KLHL12: variants seen among roughly 807,000 people sequenced by gnomAD.
KLHL12 encodes the protein kelch-like protein 12.
In KLHL12, 17 loss-of-function variants were observed where a neutral mutation model predicts 60.8. The observed-to-expected ratio is 0.28, with a 90% CI of 0.19 to 0.42. The LOEUF is 0.42. Ranked by LOEUF, KLHL12 falls within the 10% of genes least tolerant of loss-of-function variation. KLHL12 has a pLI of 1.00. For synonymous variants in KLHL12, 220 were observed against 250.9 expected (o/e 0.88, Z 1.16); for missense variants, 468 against 722.3 (o/e 0.65, Z 4.04).
Position 202,900,911 on chromosome 1 carries a change from G to A in KLHL12, c.833-3951C>T, listed in dbSNP as rs906396683. Among the ~76,000 whole-genome samples the A allele has an allele frequency of 2.3e-3, 128 of 54,886 alleles. 2 individuals carry two copies. The highest frequency in any genetic ancestry group is 4.9e-3 in the African/African-American group (125 of 25,584). 36.0% of individuals were successfully genotyped at this position (54,886 alleles called of 152,430 possible). A position where few individuals can be genotyped will look rare whatever the true frequency, so the allele number is the denominator to read the frequency against. ...AACACAAAAATTAGCCAGGTGTGGT[G>A]GTGTGCATTTTGTAGTCCCAGCTAC... is the stretch of plus-strand genomic sequence containing the variant. On this transcript the variant is annotated intron_variant, in intron 6 of 11. Transcript: ENST00000367261.
intron 9 of KLHL12, 73 bp from the exon 10 acceptor site, chr1:202,894,355 G>A: frequency 9.8e-7 from 1 of 1,017,200 alleles, no homozygotes; most frequent in Non-Finnish European, 1.5e-6. Context: ...TTTTCTGAGT[G>A]CTTCAACTAA....
In KLHL12 at chr1:202,891,991, A is replaced by G. The variant is rs1204727066; in HGVS notation, c.*542T>C. 1 of 151,954 alleles carries G rather than the reference A, an allele frequency of 6.6e-6. No individual in the cohort carries two copies. The highest frequency in any genetic ancestry group is 1.5e-5 in the Non-Finnish European group (1 of 68,012). The allele number at this position is 151,954 out of a possible 1,614,324, so 9.4% of individuals were successfully genotyped here. On this transcript the variant is annotated 3_prime_UTR_variant, in exon 12 of 12. Transcript: ENST00000367261. ...ATGAGTCTCTCTCTCCCTTGTCCCC[A>G]AAGTTTTGTGGGGCTCTCCCTTTTG...
chr1:202,891,517 A>C lies in KLHL12; in HGVS notation c.*1016T>G, dbSNP rs1659675237. On this transcript the variant is annotated 3_prime_UTR_variant, in exon 12 of 12. Transcript: ENST00000367261. ...CTTCTAAAAGAATGGGGCAGTAATC[A>C]GGTAGCTGAACTACTAGGCTACTGT... is the stretch of plus-strand genomic sequence containing the variant. 6.6e-6 allele frequency: 1 copy of C among 152,384 alleles called. No individual in the cohort carries two copies. Among genetic ancestry groups the C allele is most frequent in the Non-Finnish European group, 1.5e-5 (1 of 68,058 alleles). 9.4% of individuals were successfully genotyped at this position (152,384 alleles called of 1,614,324 possible). A position where few individuals can be genotyped will look rare whatever the true frequency, so the allele number is the denominator to read the frequency against.
intron 6 of KLHL12, among the ~76,000 whole-genome samples, chr1:202,903,159 CAAAAAAAA>C (rs67432749): frequency 7.1e-4 from 37 of 52,018 alleles, no homozygotes; most frequent in African/African-American, 2.1e-3. Flanking sequence ...GACCTTGTCT[CAAAAAAAA>C]AAAAAAAAAA....
intron 7 of KLHL12, among the ~76,000 whole-genome samples, chr1:202,896,590 T>C (rs934001487): frequency 6.6e-6 from 1 of 152,214 alleles, no homozygotes; most frequent in African/African-American, 2.4e-5. Flanking sequence ...CTAGGAATTA[T>C]ACAGACAGCT....
rs1659699444 is a variant in KLHL12, at chr1:202,892,323, T to C, written c.*210A>G. 4.0e-6 allele frequency: 2 copies of C among 496,110 alleles called. No individual in the cohort carries two copies. The highest frequency in any genetic ancestry group is 2.7e-5 in the South Asian group (1 of 37,550). 30.7% of individuals were successfully genotyped at this position (496,110 alleles called of 1,614,324 possible). On this transcript the variant is annotated 3_prime_UTR_variant, in exon 12 of 12. Transcript: ENST00000367261. ...TCACATCCATTCAATGTGCATTCTT[T>C]TTCCTGGAATATCTGTTACCCACCC...
chr1:202,906,988 A>G (rs578043946), intron 6 of KLHL12, among the ~76,000 whole-genome samples: 1 of 152,320 alleles, frequency 6.6e-6, no homozygotes, highest in African/African-American at 2.4e-5. Flanking sequence ...CAAAAAAGAA[A>G]AAAAAGACTT....
chr1:202,927,445 G>T (rs144654237), upstream of KLHL12, among the ~76,000 whole-genome samples: 1,345 of 150,440 alleles, frequency 8.9e-3, 7 homozygotes, highest in Admixed American at 0.017. Flanking sequence ...CACTTTGGCA[G>T]GCCGAGGCGA....
intron 3 of KLHL12, among the ~76,000 whole-genome samples, chr1:202,918,964 CTG>C: frequency 6.6e-6 from 1 of 152,204 alleles, no homozygotes; most frequent in Non-Finnish European, 1.5e-5. Flanking sequence ...AAAAGAAAAA[CTG>C]GGGACCAGGA....
intron 4 of KLHL12, among the ~76,000 whole-genome samples, chr1:202,917,223 TC>T (rs983319450): frequency 1.3e-5 from 2 of 151,990 alleles, no homozygotes; most frequent in African/African-American, 4.8e-5. Context: ...TATTCCTTCT[TC>T]CCCCGCAAGA....
At chr1:202,905,084 A>G (rs375492449) in intron 6 of KLHL12, among the ~76,000 whole-genome samples, 21 of 152,318 alleles carry the variant, frequency 1.4e-4, no homozygotes, top group African/African-American at 4.8e-4. Context: ...ACAAAGCGAT[A>G]CTAAGAATCT....
intron 4 of KLHL12, chr1:202,911,719 T>C (rs538351962): frequency 4.2e-5 from 25 of 596,610 alleles, no homozygotes; most frequent in Non-Finnish European, 7.2e-5. Context: ...TTCTCTAACA[T>C]CACTATGTTG....
At chr1:202,911,480 A>T (rs1400278471) in intron 4 of KLHL12, among the ~76,000 whole-genome samples, 1 of 146,230 alleles carries the variant, frequency 6.8e-6, no homozygotes, top group South Asian at 2.2e-4. Flanking sequence ...CTCTCTCTCT[A>T]AGATAGATAG....
At chr1:202,925,665 A>G (rs1162334464) in intron 1 of KLHL12, among the ~76,000 whole-genome samples, 1 of 152,190 alleles carries the variant, frequency 6.6e-6, no homozygotes, top group Non-Finnish European at 1.5e-5. Context: ...TTGCACAATA[A>G]ATGTTTAGAA....
chr1:202,918,416 T>C, intron 3 of KLHL12, 28 bp from the exon 4 acceptor site: 1 of 1,547,678 alleles, frequency 6.5e-7, no homozygotes, highest in Non-Finnish European at 8.9e-7. Flanking sequence ...AGCAAACACT[T>C]TAGAATAGTT....
intron 3 of KLHL12, among the ~76,000 whole-genome samples, chr1:202,919,442 A>G (rs1470855954): frequency 1.3e-5 from 2 of 152,180 alleles, no homozygotes; most frequent in Non-Finnish European, 2.9e-5. Context: ...CTTTTTTATT[A>G]TATTTCCTTA....
chr1:202,916,754 G>A (rs1660533069), intron 4 of KLHL12, among the ~76,000 whole-genome samples: 1 of 152,154 alleles, frequency 6.6e-6, no homozygotes, highest in Admixed American at 6.5e-5. Flanking sequence ...CCTGAGCCTA[G>A]CATTGCTTGA....
chr1:202,903,629 C>CTTTTTTTTTTTTCTT (rs1220119536), intron 6 of KLHL12, among the ~76,000 whole-genome samples: 1 of 76,086 alleles, frequency 1.3e-5, no homozygotes, highest in African/African-American at 4.5e-5. Context: ...TTTTTCTTTT[C>CTTTTTTTTTTTTCTT]TTTTTTTTTT....
chr1:202,927,222 G>A lies in KLHL12; in HGVS notation c.-179C>T, dbSNP rs1653627717. On this transcript the variant is annotated 5_prime_UTR_variant, in exon 1 of 12. Coordinates refer to ENST00000367261, the MANE Select transcript of KLHL12 (RefSeq NM_021633.4). ...ACCCGGAGGCTCTGGAGGCTCTGGAGCCGTCCGGGTCTGGCCCCTGCGGCC... is the reference window on the plus strand; with the variant it reads ...ACCCGGAGGCTCTGGAGGCTCTGGAACCGTCCGGGTCTGGCCCCTGCGGCC... 3.0e-6 allele frequency: 3 copies of A among 985,146 alleles called. No homozygotes were observed. In the South Asian group the frequency reaches 1.4e-4, roughly 46 times the overall value. 61.0% of individuals were successfully genotyped at this position (985,146 alleles called of 1,614,324 possible).
Sources: gnomAD v4.1 joint callset for allele counts (sites outside exome capture counted in the v4.1 genomes callset) on GRCh38, gnomAD v4.1.1 for gene constraint, MANE v1.5 for transcripts, NCBI Gene and HGNC (gene_info 2026-07-23, HGNC 2026-07-21) for gene names.